The following TTC39B variants were observed in gnomAD, a reference collection of about 807,000 sequenced individuals.
TTC39B encodes the protein tetratricopeptide repeat protein 39B.
TTC39B carries 92 observed loss-of-function variants against 96.6 expected under a neutral mutation model. The ratio of observed to expected loss-of-function variants is 0.95; its 90% CI spans 0.80 to 1.13. The LOEUF is 1.13. TTC39B is among the 50% of genes most tolerant of loss of function. The pLI, the probability that TTC39B is intolerant of heterozygous loss-of-function variation, is 0.00. For synonymous variants in TTC39B, 367 were observed against 299.4 expected, an observed-to-expected ratio of 1.23 and a Z score of -2.33; for missense variants, 955 against 809.3, an observed-to-expected ratio of 1.18 and a Z score of -2.18.
At chr9:15,265,098 G>C (rs1247242954) in intron 2 of TTC39B, among the ~76,000 whole-genome samples, 1 of 152,188 alleles carries the variant, frequency 6.6e-6, no homozygotes, top group Non-Finnish European at 1.5e-5. Context: ...TAGTGGGCTA[G>C]CAATTTTAGG....
intron 3 of TTC39B, among the ~76,000 whole-genome samples, chr9:15,221,718 GAA>G (rs945924303): frequency 6.6e-6 from 1 of 152,180 alleles, no homozygotes; most frequent in Non-Finnish European, 1.5e-5. Context: ...TTAATTAACA[GAA>G]AGAGTTGGGT....
intron 1 of TTC39B, among the ~76,000 whole-genome samples, chr9:15,282,934 G>GA (rs1309682262): frequency 6.6e-6 from 1 of 152,188 alleles, no homozygotes; most frequent in African/African-American, 2.4e-5. Context: ...TTGACAAAGT[G>GA]AACTTCATCA....
At chr9:15,244,926 A>G (rs1243993711) in intron 2 of TTC39B, among the ~76,000 whole-genome samples, 1 of 150,906 alleles carries the variant, frequency 6.6e-6, no homozygotes, top group East Asian at 1.9e-4. Flanking sequence ...TATTTGCCTC[A>G]TGATCCATGG....
At chr9:15,246,764 C>T (rs942078767) in intron 2 of TTC39B, among the ~76,000 whole-genome samples, 3 of 152,244 alleles carry the variant, frequency 2.0e-5, no homozygotes, top group Admixed American at 6.5e-5. Context: ...TACTAACTGG[C>T]CAGCCAGGTA....
chr9:15,247,435 C>T (rs1348954622), intron 2 of TTC39B, among the ~76,000 whole-genome samples: 2 of 152,154 alleles, frequency 1.3e-5, no homozygotes, highest in Non-Finnish European at 2.9e-5. Flanking sequence ...ACTCCCTACC[C>T]TCAATTTTCA....
chr9:15,295,237 A>G (rs553535152), intron 1 of TTC39B, among the ~76,000 whole-genome samples: 1 of 152,344 alleles, frequency 6.6e-6, no homozygotes, highest in Admixed American at 6.5e-5. Flanking sequence ...TGAGCCACAC[A>G]TCTGTTTCCC....
At chr9:15,296,094 A>G (rs1191137267) in intron 1 of TTC39B, among the ~76,000 whole-genome samples, 1 of 152,176 alleles carries the variant, frequency 6.6e-6, no homozygotes, top group Non-Finnish European at 1.5e-5. Flanking sequence ...GGTTGTCCAG[A>G]ATGCCAGGAC....
chr9:15,236,439 C>T lies in TTC39B; in HGVS notation c.276-10427G>A, dbSNP rs553697438. 9.2e-5 allele frequency among the ~76,000 whole-genome samples: 14 copies of T among 152,258 alleles called. No individual in the cohort carries two copies. In the South Asian group the frequency reaches 2.7e-3, roughly 29 times the overall value. On this transcript the variant is annotated intron_variant, in intron 2 of 19. Coordinates refer to ENST00000512701, the Ensembl canonical transcript of TTC39B. ...TCGAGGCAGAAAATCAACAAAGAAA[C>T]TTGGGACTTAACTGGGTTACAGACC...
At chr9:15,219,586 G>C (rs1256784061) in intron 3 of TTC39B, among the ~76,000 whole-genome samples, 1 of 152,118 alleles carries the variant, frequency 6.6e-6, no homozygotes, top group Non-Finnish European at 1.5e-5. Context: ...TGCCCTCCCT[G>C]TACCCTGAGG....
At chr9:15,267,455 G>T (rs770336045) in intron 2 of TTC39B, among the ~76,000 whole-genome samples, 1 of 152,196 alleles carries the variant, frequency 6.6e-6, no homozygotes, top group South Asian at 2.1e-4. Context: ...TTCTAAGCCA[G>T]TGACAACCTA....
chr9:15,220,964 G>A (rs1413127084), intron 3 of TTC39B, among the ~76,000 whole-genome samples: 2 of 152,122 alleles, frequency 1.3e-5, no homozygotes, highest in Non-Finnish European at 2.9e-5. Context: ...GACATTTTGG[G>A]CAAGAAAACC....
intron 15 of TTC39B, 23 bp downstream of exon 15, chr9:15,186,921 T>C (rs1362904270): frequency 6.2e-7 from 1 of 1,606,712 alleles, no homozygotes; most frequent in African/African-American, 1.3e-5. Context: ...GAGCCTTTGT[T>C]ATAGGAATAG....
intron 2 of TTC39B, among the ~76,000 whole-genome samples, chr9:15,244,809 G>T (rs1041996022): frequency 1.3e-4 from 20 of 151,870 alleles, no homozygotes; most frequent in African/African-American, 4.8e-4. Context: ...GGTTTTCAGT[G>T]GGACACTGAA....
chr9:15,291,189 G>A (rs778025150), intron 1 of TTC39B, among the ~76,000 whole-genome samples: 13 of 152,190 alleles, frequency 8.5e-5, no homozygotes, highest in Non-Finnish European at 1.3e-4. Flanking sequence ...TGGTTTGGCT[G>A]TGTCCCCACC....
At chr9:15,274,801 G>C (rs999811342) in intron 1 of TTC39B, among the ~76,000 whole-genome samples, 1 of 151,468 alleles carries the variant, frequency 6.6e-6, no homozygotes, top group African/African-American at 2.4e-5. Context: ...TTTTTTAATA[G>C]ACTTAGAAAA....
intron 2 of TTC39B, among the ~76,000 whole-genome samples, chr9:15,252,096 G>C (rs933556605): frequency 6.6e-6 from 1 of 152,116 alleles, no homozygotes; most frequent in African/African-American, 2.4e-5. Flanking sequence ...ACCTGGTGTT[G>C]TGAAGTTCAG....
Position 15,171,761 on chromosome 9 carries a change from G to A in TTC39B, c.*258C>T, listed in dbSNP as rs111252342. 2.1e-3 allele frequency: 486 copies of A among 226,892 alleles called. 3 individuals carry two copies. Among genetic ancestry groups the A allele is most frequent in the African/African-American group, 0.01 (440 of 43,912 alleles). The allele number at this position is 226,892 out of a possible 1,614,324, so 14.1% of individuals were successfully genotyped here. Reference sequence around the variant, plus strand: ...TGCAAGTCTTTCAAAAGACTTCTTCGCCCCCTAATTCAAATAATATGAAAT... The same window carrying A: ...TGCAAGTCTTTCAAAAGACTTCTTCACCCCCTAATTCAAATAATATGAAAT... On this transcript the variant is annotated 3_prime_UTR_variant, in exon 20 of 20. Transcript: ENST00000512701.
chr9:15,285,711 C>A (rs558492902), intron 1 of TTC39B, among the ~76,000 whole-genome samples: 5 of 152,000 alleles, frequency 3.3e-5, no homozygotes, highest in African/African-American at 9.7e-5. Context: ...AAAAATTAGC[C>A]GGGCTTGGTG....
chr9:15,305,285 A>T (rs904684795), intron 1 of TTC39B, among the ~76,000 whole-genome samples: 1 of 152,248 alleles, frequency 6.6e-6, no homozygotes, highest in Admixed American at 6.5e-5. Flanking sequence ...AGAACCATAA[A>T]GAGGCAAAAC....
Sources: gnomAD v4.1 joint callset for allele counts (sites outside exome capture counted in the v4.1 genomes callset) on GRCh38, gnomAD v4.1.1 for gene constraint, MANE v1.5 for transcripts, NCBI Gene and HGNC (gene_info 2026-07-23, HGNC 2026-07-21) for gene names.